SMC5: variants seen among roughly 807,000 people sequenced by gnomAD.
SMC5 encodes the protein structural maintenance of chromosomes protein 5.
Under a neutral mutation model 148.3 loss-of-function variants are expected in SMC5, and 88 were observed. The observed-to-expected ratio is 0.59, with a 90% CI of 0.50 to 0.71. The LOEUF (loss-of-function observed/expected upper bound fraction) is 0.71, where lower values mean the gene tolerates loss of function less well. Ranked by LOEUF, SMC5 falls within the 30% of genes least tolerant of loss-of-function variation. The pLI is 0.00. For synonymous variants in SMC5, 421 were observed against 432.8 expected, an observed-to-expected ratio of 0.97 and a Z score of 0.34; for missense variants, 1,142 against 1,298.9, an observed-to-expected ratio of 0.88 and a Z score of 1.86.
intron 8 of SMC5, among the ~76,000 whole-genome samples, chr9:70,290,363 AGAT>A (rs2035025572): frequency 6.6e-6 from 1 of 152,192 alleles, no homozygotes; most frequent in East Asian, 1.9e-4. Context: ...GCATAAAACC[AGAT>A]ATTGCAGAAA....
intron 22 of SMC5, 91 bp from the exon 23 acceptor site, chr9:70,350,023 C>T (rs542636455): frequency 4.6e-6 from 4 of 862,140 alleles, no homozygotes; most frequent in Non-Finnish European, 6.8e-6. Flanking sequence ...GAGTTCTTTA[C>T]TCTTACTCAG....
intron 3 of SMC5, among the ~76,000 whole-genome samples, chr9:70,272,854 A>C (rs190622086): frequency 6.6e-6 from 1 of 152,312 alleles, no homozygotes; most frequent in Non-Finnish European, 1.5e-5. Context: ...CTTCAGGAGG[A>C]GTCAGTTGTC....
chr9:70,347,173 T>C lies in SMC5; in HGVS notation c.2664+12T>C, dbSNP rs757883489. On this transcript the variant is annotated intron_variant, in intron 20 of 24. Coordinates refer to ENST00000361138, the MANE Select transcript of SMC5 (RefSeq NM_015110.4). ...GACTGAATCCTACAGTATGCCTGTTTCTCTATTCCCATTCTGCATCCAACC... is the reference window on the plus strand; with the variant it reads ...GACTGAATCCTACAGTATGCCTGTTCCTCTATTCCCATTCTGCATCCAACC... 4.4e-5 allele frequency: 71 copies of C among 1,609,394 alleles called. 1 individual carries two copies. The Admixed American group carries it at 7.2e-4, about 16-fold the overall frequency.
At chr9:70,286,173 C>G (rs777022363) in intron 7 of SMC5, 27 bp from the exon 8 acceptor site, 1 of 1,368,154 alleles carries the variant, frequency 7.3e-7, no homozygotes, top group South Asian at 1.2e-5. Context: ...CTAGCTGTCC[C>G]CCCCTCTCCC....
intron 17 of SMC5, among the ~76,000 whole-genome samples, chr9:70,327,405 T>C (rs1032415625): frequency 5.3e-5 from 8 of 152,160 alleles, no homozygotes; most frequent in African/African-American, 1.2e-4. Flanking sequence ...TAAAATAAAA[T>C]AATATTGGTC....
chr9:70,341,933 TG>T (rs2036535849), intron 17 of SMC5, among the ~76,000 whole-genome samples: 3 of 151,038 alleles, frequency 2.0e-5, no homozygotes, highest in South Asian at 2.1e-4. Flanking sequence ...TAAAGACACA[TG>T]CACACGTATA....
chr9:70,277,585 C>T lies in SMC5; in HGVS notation c.543+113C>T, dbSNP rs889575439. The T allele has an allele frequency of 6.5e-6, 5 of 770,300 alleles. No individual in the cohort carries two copies. The East Asian group carries it at 1.6e-4, about 24-fold the overall frequency. 47.7% of individuals were successfully genotyped at this position (770,300 alleles called of 1,614,324 possible). On this transcript the variant is annotated intron_variant, in intron 4 of 24. Coordinates refer to ENST00000361138, the MANE Select transcript of SMC5 (RefSeq NM_015110.4). Reference sequence around the variant, plus strand: ...ATTTAAATTGAACATAGCACTCTTACAGTTCTTTGTAAAGGTAGCATTTCA... The same window carrying T: ...ATTTAAATTGAACATAGCACTCTTATAGTTCTTTGTAAAGGTAGCATTTCA...
At chr9:70,281,778 C>G (rs2034756150) in intron 6 of SMC5, among the ~76,000 whole-genome samples, 1 of 151,994 alleles carries the variant, frequency 6.6e-6, no homozygotes, top group East Asian at 1.9e-4. Flanking sequence ...TTTCCTGTGT[C>G]CATTATTACT....
Position 70,314,786 on chromosome 9 carries a change from C to G in SMC5, c.1623C>G (p.Pro541=). The change falls in exon 12 of 25, where the codon CCC becomes CCG. Residue 541 remains proline (P), a synonymous_variant. Transcript: ENST00000361138. ...KKLRVNAVIA[P]KSSYADKAPS... is the part of the protein sequence containing the mutation. The stretch of plus-strand genomic sequence containing the variant: ...TAAGAGTAAATGCTGTTATTGCTCC[C>G]AAGAGTTCATATGCAGACAAAGCAC... The G allele has an allele frequency of 6.4e-7, 1 of 1,574,782 alleles. No individual in the cohort carries two copies. Among genetic ancestry groups the G allele is most frequent in the South Asian group, 1.2e-5 (1 of 83,944 alleles).
intron 8 of SMC5, among the ~76,000 whole-genome samples, chr9:70,286,569 G>A (rs1245499322): frequency 1.3e-5 from 2 of 152,028 alleles, no homozygotes; most frequent in East Asian, 3.9e-4. Context: ...AAGGTCTAAG[G>A]GATTTATTCT....
At chr9:70,260,654 C>G (rs766735437) in intron 1 of SMC5, among the ~76,000 whole-genome samples, 3 of 152,136 alleles carry the variant, frequency 2.0e-5, no homozygotes, top group Non-Finnish European at 4.4e-5. Context: ...TAAATGTAAT[C>G]AAATGAGTTA....
intron 13 of SMC5, 134 bp from the exon 14 acceptor site, chr9:70,318,380 C>A: frequency 1.5e-6 from 1 of 657,734 alleles, no homozygotes; most frequent in African/African-American, 1.9e-5. Context: ...AGAGTGAGAC[C>A]CTGTCTAAAA....
At chr9:70,283,455 A>C (rs574105038) in intron 7 of SMC5, among the ~76,000 whole-genome samples, 63 of 152,324 alleles carry the variant, frequency 4.1e-4, no homozygotes, top group Non-Finnish European at 8.5e-4. Flanking sequence ...TGACAGAGCG[A>C]GGCCCTATCT....
At chr9:70,313,709 G>A (rs559809219) in intron 11 of SMC5, among the ~76,000 whole-genome samples, 320 of 151,950 alleles carry the variant, frequency 2.1e-3, no homozygotes, top group South Asian at 9.4e-3. Flanking sequence ...CATGTTGGTC[G>A]GGCTGGTCTT....
intron 20 of SMC5, 130 bp from the exon 21 acceptor site, chr9:70,347,483 A>G (rs1564074501): frequency 3.4e-6 from 2 of 582,960 alleles, no homozygotes; most frequent in South Asian, 2.7e-5. Flanking sequence ...TAATAAGAGC[A>G]TATATTATTT....
intron 11 of SMC5, among the ~76,000 whole-genome samples, chr9:70,312,807 A>G (rs1186311908): frequency 1.3e-5 from 2 of 152,138 alleles, no homozygotes; most frequent in African/African-American, 4.8e-5. Flanking sequence ...CTGTTCATAC[A>G]TTGCTGGATT....
At chr9:70,302,606 G>A (rs2035389842) in intron 10 of SMC5, among the ~76,000 whole-genome samples, 2 of 152,052 alleles carry the variant, frequency 1.3e-5, no homozygotes, top group African/African-American at 2.4e-5. Context: ...GGATGTGGAG[G>A]TTGCAGTTAC....
chr9:70,351,272 T>G (rs1294863663), intron 24 of SMC5, among the ~76,000 whole-genome samples: 1 of 151,906 alleles, frequency 6.6e-6, no homozygotes, highest in Non-Finnish European at 1.5e-5. Flanking sequence ...GAGGATCGCT[T>G]GAGTCTGGGA....
chr9:70,300,153 AAC>A lies in SMC5; in HGVS notation c.1419_1420del (p.Asn473LysfsTer5), dbSNP rs746106144. 1 of 1,602,410 alleles carries A rather than the reference AAC, an allele frequency of 6.2e-7. No homozygotes were observed. Among genetic ancestry groups the A allele is most frequent in the South Asian group, 1.1e-5 (1 of 88,368 alleles). On this transcript the variant is annotated frameshift_variant, in exon 10 of 25. Coordinates refer to ENST00000361138, the MANE Select transcript of SMC5 (RefSeq NM_015110.4). LOFTEE classifies it high-confidence loss of function. Reference sequence around the variant, plus strand: ...TGATGCTGTTTTATGGCTAAGAAATAACAGAGACAAATTTAAACAAAGAGTCT... The same window carrying A: ...TGATGCTGTTTTATGGCTAAGAAATAAGAGACAAATTTAAACAAAGAGTCT... ...TYDAVLWLRN[N>X]RDKFKQRVCE... is the part of the protein sequence containing the mutation.
Sources: allele counts gnomAD v4.1 joint callset (sites outside exome capture counted in the v4.1 genomes callset), GRCh38; gene constraint gnomAD v4.1.1; transcripts MANE v1.5; gene names NCBI Gene and HGNC (gene_info 2026-07-23, HGNC 2026-07-21).